Variants in CTDSP2 observed in about 807,000 individuals in gnomAD.
The protein encoded by CTDSP2 is CTD small phosphatase 2.
CTDSP2 carries 9 observed loss-of-function variants against 31.6 expected under a neutral mutation model. The ratio of observed to expected loss-of-function variants is 0.28; its 90% CI spans 0.17 to 0.50. The LOEUF is 0.50. CTDSP2 is among the 20% of genes least tolerant of loss of function. CTDSP2 has a pLI of 0.98. For synonymous variants in CTDSP2, 134 were observed against 134.5 expected, an observed-to-expected ratio of 1.00 and a Z score of 0.03; for missense variants, 267 against 348.5, an observed-to-expected ratio of 0.77 and a Z score of 1.86.
At chr12:57,833,061 G>A (rs962730945) in intron 1 of CTDSP2, among the ~76,000 whole-genome samples, 1 of 152,116 alleles carries the variant, frequency 6.6e-6, no homozygotes, top group African/African-American at 2.4e-5. Flanking sequence ...GGCTTAACCC[G>A]GGCACAGAGT....
At chr12:57,824,662 T>TA (rs1445643611) in intron 5 of CTDSP2, 1 of 547,212 alleles carries the variant, frequency 1.8e-6, no homozygotes. Flanking sequence ...GGAAACAGCC[T>TA]ATCCTGGATT....
chr12:57,840,777 G>A (rs1409504252), intron 1 of CTDSP2, among the ~76,000 whole-genome samples: 1 of 151,978 alleles, frequency 6.6e-6, no homozygotes, highest in African/African-American at 2.4e-5. Flanking sequence ...GGTGGGGGAA[G>A]GACTAGAGCA....
At position 57,824,242 on chromosome 12, in the gene CTDSP2, A is replaced by G; in HGVS notation, c.489T>C (p.Thr163=). Residue 163 remains threonine (T), a synonymous_variant, in exon 6 of 8, where the codon ACT becomes ACC. Transcript: ENST00000398073. ...MGELFECVLF[T]ASLAKYADPV... ...CCCTAGGTACCTTGGCCAGGCTGGC[A>G]GTGAAGAGAACACATTCAAAGAGTT... The G allele has an allele frequency of 6.2e-7, 1 of 1,614,090 alleles. No individual in the cohort carries two copies. Among genetic ancestry groups the G allele is most frequent in the Non-Finnish European group, 8.5e-7 (1 of 1,179,990 alleles).
intron 2 of CTDSP2, among the ~76,000 whole-genome samples, chr12:57,828,013 T>C (rs2140475532): frequency 6.6e-6 from 1 of 152,306 alleles, no homozygotes; most frequent in Admixed American, 6.5e-5. Context: ...AGGGGTTATG[T>C]GGGGGAACAA....
Position 57,829,443 on chromosome 12 carries a change from C to T in CTDSP2, c.213+5G>A. On this transcript the variant is annotated splice_donor_5th_base_variant and intron_variant, in intron 2 of 7. Transcript: ENST00000398073. ...GCTGGCATCTTACCACCCCAACCCA[C>T]CTACCTTAGCAATGGTGTTTGCTTC... 1 of 1,612,948 alleles carries T rather than the reference C, an allele frequency of 6.2e-7. No homozygotes were observed. The highest frequency in any genetic ancestry group is 1.1e-5 in the South Asian group (1 of 91,064).
rs1449426993 is a variant in CTDSP2 at position 57,846,624 on chromosome 12, G to T, written c.-189C>A. The T allele has an allele frequency of 2.1e-6, 1 of 482,694 alleles. No individual in the cohort carries two copies. The highest frequency in any genetic ancestry group is 3.5e-6 in the Non-Finnish European group (1 of 284,314). The allele number at this position is 482,694 out of a possible 1,614,324, so 29.9% of individuals were successfully genotyped here. Reference sequence around the variant, plus strand: ...AGGCGGCCTGTACAAAGGGCGGGCGGCCCGGGCAGCGGCTCCCCCGGGTGC... The same window carrying T: ...AGGCGGCCTGTACAAAGGGCGGGCGTCCCGGGCAGCGGCTCCCCCGGGTGC... On this transcript the variant is annotated 5_prime_UTR_variant, in exon 1 of 8. Coordinates refer to ENST00000398073, the MANE Select transcript of CTDSP2 (RefSeq NM_005730.4).
chr12:57,836,369 C>T (rs1197193309), intron 1 of CTDSP2, among the ~76,000 whole-genome samples: 1 of 152,194 alleles, frequency 6.6e-6, no homozygotes, highest in East Asian at 1.9e-4. Context: ...CTATTTGCCC[C>T]TATGCATGGG....
At chr12:57,830,121 C>G (rs529881690) in intron 1 of CTDSP2, among the ~76,000 whole-genome samples, 15 of 152,278 alleles carry the variant, frequency 9.9e-5, no homozygotes, top group East Asian at 1.9e-4. Context: ...TGCAGTGGCT[C>G]ACGCCTGTAA....
At chr12:57,832,919 T>G (rs1956225510) in intron 1 of CTDSP2, among the ~76,000 whole-genome samples, 1 of 151,916 alleles carries the variant, frequency 6.6e-6, no homozygotes, top group South Asian at 2.1e-4. Flanking sequence ...CTTCCCCACC[T>G]TGCCTGCATG....
Position 57,846,716 on chromosome 12 carries a change from A to G in CTDSP2, c.-281T>C, listed in dbSNP as rs2140488757. The G allele has an allele frequency of 5.8e-6, 2 of 345,640 alleles. No individual in the cohort carries two copies. The highest frequency in any genetic ancestry group is 1.7e-4 in the South Asian group (2 of 11,642). The allele number at this position is 345,640 out of a possible 1,614,324, so 21.4% of individuals were successfully genotyped here. ...TTTGGGTCCAACATGGAGAATCCGG[A>G]GCGAAAACAAGAGGAGGAAATGGGA... is the stretch of plus-strand genomic sequence containing the variant. On this transcript the variant is annotated 5_prime_UTR_variant, in exon 1 of 8. Coordinates refer to ENST00000398073, the MANE Select transcript of CTDSP2 (RefSeq NM_005730.4).
At chr12:57,838,996 C>T (rs1056220375) in intron 1 of CTDSP2, among the ~76,000 whole-genome samples, 1 of 152,180 alleles carries the variant, frequency 6.6e-6, no homozygotes, top group Admixed American at 6.5e-5. Context: ...AGGGCCAAAC[C>T]GGAAATGATG....
Position 57,827,533 on chromosome 12 carries a change from C to G in CTDSP2, c.252+19G>C. 1.2e-6 allele frequency: 2 copies of G among 1,613,802 alleles called. No individual in the cohort carries two copies. The highest frequency in any genetic ancestry group is 1.7e-6 in the Non-Finnish European group (2 of 1,179,750). ...CAGGATCCTGGCTTCTGAGTACTTACCAGGCCAGAGTCACGTACCTGGTAG... is the reference window on the plus strand; with the variant it reads ...CAGGATCCTGGCTTCTGAGTACTTAGCAGGCCAGAGTCACGTACCTGGTAG... On this transcript the variant is annotated intron_variant, in intron 3 of 7. Coordinates refer to ENST00000398073, the MANE Select transcript of CTDSP2 (RefSeq NM_005730.4).
Position 57,846,508 on chromosome 12 carries a change from G to C in CTDSP2, c.-73C>G, listed in dbSNP as rs1387354205. ...CGCGCGGGCTGGGCTGGGCTGGGGG[G>C]CCTGGGCGGGGGCCCGCTCCGGCTC... On this transcript the variant is annotated 5_prime_UTR_variant, in exon 1 of 8. Coordinates refer to ENST00000398073, the MANE Select transcript of CTDSP2 (RefSeq NM_005730.4). 7 of 1,292,576 alleles carry C rather than the reference G, an allele frequency of 5.4e-6. No individual in the cohort carries two copies. The highest frequency in any genetic ancestry group is 3.4e-5 in the Admixed American group (1 of 29,210). The allele number at this position is 1,292,576 out of a possible 1,614,324, so 80.1% of individuals were successfully genotyped here. A position where few individuals can be genotyped will look rare whatever the true frequency, so the allele number is the denominator to read the frequency against.
intron 7 of CTDSP2, 47 bp downstream of exon 7, chr12:57,823,857 G>C (rs1437296551): frequency 2.5e-6 from 4 of 1,609,688 alleles, no homozygotes; most frequent in East Asian, 2.2e-5. Flanking sequence ...GTTCCAGTCT[G>C]CTTCCTCTCC....
intron 1 of CTDSP2, among the ~76,000 whole-genome samples, chr12:57,839,143 C>T (rs1205127763): frequency 6.6e-6 from 1 of 152,172 alleles, no homozygotes; most frequent in Non-Finnish European, 1.5e-5. Context: ...GCACCCATCT[C>T]CAGGGACATT....
intron 1 of CTDSP2, among the ~76,000 whole-genome samples, chr12:57,835,505 A>T (rs1393237096): frequency 6.6e-6 from 1 of 152,072 alleles, no homozygotes; most frequent in East Asian, 1.9e-4. Flanking sequence ...GGAGGGCAGG[A>T]CTCCAGCGGA....
At chr12:57,842,529 G>A (rs1413709775) in intron 1 of CTDSP2, 1 of 152,258 alleles carries the variant, frequency 6.6e-6, no homozygotes, top group Non-Finnish European at 1.5e-5. Context: ...AGCCCCAGAT[G>A]TTAGGCATTT....
intron 1 of CTDSP2, among the ~76,000 whole-genome samples, chr12:57,838,050 A>C (rs1956258701): frequency 6.6e-6 from 1 of 152,174 alleles, no homozygotes; most frequent in South Asian, 2.1e-4. Flanking sequence ...TGATTTCAGA[A>C]TCAGCCTCTA....
intron 2 of CTDSP2, among the ~76,000 whole-genome samples, 198 bp downstream of exon 2, chr12:57,829,250 T>G (rs1267239087): frequency 6.6e-6 from 1 of 152,076 alleles, no homozygotes; most frequent in Non-Finnish European, 1.5e-5. Context: ...CACAGTGACA[T>G]GTGAATGGCC....
Sources: gnomAD v4.1 joint callset for allele counts (sites outside exome capture counted in the v4.1 genomes callset) on GRCh38, gnomAD v4.1.1 for gene constraint, MANE v1.5 for transcripts, NCBI Gene and HGNC (gene_info 2026-07-23, HGNC 2026-07-21) for gene names.